Variants in WWOX observed in about 807,000 individuals in gnomAD.
The protein encoded by WWOX is WW domain-containing oxidoreductase.
Under a neutral mutation model 46.2 loss-of-function variants are expected in WWOX, and 69 were observed. The ratio of observed to expected loss-of-function variants is 1.49; its 90% CI spans 1.23 to 1.82. WWOX has a LOEUF of 1.82. Ranked by LOEUF, WWOX falls within the 40% of genes most tolerant of loss-of-function variation. The pLI is 0.00. For missense variants in WWOX, 919 were observed against 542.6 expected (o/e 1.69, Z -6.89); for synonymous variants, 359 against 202.6 (o/e 1.77, Z -6.56).
chr16:78,554,286 G>A lies in WWOX; in HGVS notation c.1056+121534G>A, dbSNP rs193283261. On this transcript the variant is annotated intron_variant, in intron 8 of 8. Transcript: ENST00000566780. ...TTTCACTATCAGTGGTATAAGCCCC[G>A]TAGTAATATGCCTAGTGTTCCATTA... 1.5e-3 allele frequency among the ~76,000 whole-genome samples: 225 copies of A among 152,238 alleles called. 3 individuals carry two copies. Among genetic ancestry groups the A allele is most frequent in the South Asian group, 2.1e-3 (10 of 4,830 alleles).
chr16:78,529,862 G>A (rs923158520), intron 8 of WWOX, among the ~76,000 whole-genome samples: 1 of 152,198 alleles, frequency 6.6e-6, no homozygotes, highest in Non-Finnish European at 1.5e-5. Context: ...CCTGTAGAAT[G>A]CACTGAAGCA....
intron 8 of WWOX, among the ~76,000 whole-genome samples, chr16:79,070,275 TG>T (rs1156516878): frequency 7.1e-6 from 1 of 140,516 alleles, no homozygotes; most frequent in East Asian, 2.0e-4. Flanking sequence ...CTGATGTGTG[TG>T]TGTGTGTGTG....
intron 4 of WWOX, among the ~76,000 whole-genome samples, chr16:78,157,096 A>T (rs1220745221): frequency 6.6e-6 from 1 of 151,608 alleles, no homozygotes; most frequent in Non-Finnish European, 1.5e-5. Context: ...ATACCCTGTG[A>T]TGAAACTGTG....
intron 8 of WWOX, among the ~76,000 whole-genome samples, chr16:79,188,205 G>A (rs1437972489): frequency 6.6e-6 from 1 of 152,214 alleles, no homozygotes; most frequent in Non-Finnish European, 1.5e-5. Context: ...CAAGGTGGGA[G>A]GCGGTAGTGG....
chr16:79,014,940 C>G (rs1231844910), intron 8 of WWOX, among the ~76,000 whole-genome samples: 2 of 152,238 alleles, frequency 1.3e-5, no homozygotes, highest in Middle Eastern at 3.4e-3. Flanking sequence ...ACTAGGAATG[C>G]TCTGTGATAT....
intron 8 of WWOX, among the ~76,000 whole-genome samples, chr16:78,973,164 C>T (rs1453742565): frequency 6.6e-6 from 1 of 152,108 alleles, no homozygotes; most frequent in Admixed American, 6.5e-5. Flanking sequence ...GCCACGTCCG[C>T]CTTTATGAAG....
intron 8 of WWOX, among the ~76,000 whole-genome samples, chr16:79,153,428 C>A (rs1415878019): frequency 6.6e-6 from 1 of 152,170 alleles, no homozygotes; most frequent in South Asian, 2.1e-4. Context: ...CTCAGGTAGC[C>A]ACTGGTGTGT....
At chr16:78,184,567 G>A (rs559969554) in intron 5 of WWOX, among the ~76,000 whole-genome samples, 170 of 145,264 alleles carry the variant, frequency 1.2e-3, no homozygotes, top group African/African-American at 3.9e-3. Context: ...TTTTTTCCCC[G>A]TTTATACTAT....
chr16:79,032,307 C>T (rs1057085438), intron 8 of WWOX, among the ~76,000 whole-genome samples: 5 of 143,910 alleles, frequency 3.5e-5, no homozygotes, highest in Non-Finnish European at 6.0e-5. Flanking sequence ...AATGTAGACT[C>T]TAATATGTAG....
intron 8 of WWOX, among the ~76,000 whole-genome samples, chr16:78,460,789 A>C (rs2151422781): frequency 6.6e-6 from 1 of 152,360 alleles, no homozygotes; most frequent in African/African-American, 2.4e-5. Flanking sequence ...CATCCTCCTG[A>C]CCATAAATAC....
In WWOX at chr16:79,015,425, C is replaced by G. The variant is rs2047393629; in HGVS notation, c.1057-196183C>G. Among the ~76,000 whole-genome samples, 5 of 152,270 alleles carry G rather than the reference C, an allele frequency of 3.3e-5. No individual in the cohort carries two copies. The South Asian group carries it at 1.0e-3, about 32-fold the overall frequency. Reference sequence around the variant, plus strand: ...CAAAATAGTAACAATATTTTCCTTCCAAGTGATGGTGAGGATTTAAGAGTT... The same window carrying G: ...CAAAATAGTAACAATATTTTCCTTCGAAGTGATGGTGAGGATTTAAGAGTT... On this transcript the variant is annotated intron_variant, in intron 8 of 8. Coordinates refer to ENST00000566780, the MANE Select transcript of WWOX (RefSeq NM_016373.4).
intron 6 of WWOX, among the ~76,000 whole-genome samples, chr16:78,398,700 C>T (rs111404898): frequency 1.3e-5 from 2 of 152,164 alleles, no homozygotes; most frequent in Non-Finnish European, 2.9e-5. Flanking sequence ...ATCTGTGCTA[C>T]AACTTATTAA....
intron 3 of WWOX, among the ~76,000 whole-genome samples, 180 bp from the exon 4 acceptor site, chr16:78,114,796 G>C (rs953249347): frequency 6.6e-6 from 1 of 152,126 alleles, no homozygotes; most frequent in Non-Finnish European, 1.5e-5. Flanking sequence ...TCTTTTTTTG[G>C]CACAAATGTG....
chr16:78,647,360 C>G (rs1469833632), intron 8 of WWOX, among the ~76,000 whole-genome samples: 1 of 152,186 alleles, frequency 6.6e-6, no homozygotes, highest in African/African-American at 2.4e-5. Flanking sequence ...AGCCCTCCTT[C>G]CACCTGGGAG....
chr16:79,210,948 A>C (rs907705357), intron 8 of WWOX, among the ~76,000 whole-genome samples: 3 of 152,268 alleles, frequency 2.0e-5, no homozygotes, highest in Non-Finnish European at 2.9e-5. Flanking sequence ...ATCTGGGTCA[A>C]ATATGACATT....
intron 4 of WWOX, among the ~76,000 whole-genome samples, chr16:78,155,185 GGA>G (rs1457315981): frequency 2.0e-5 from 3 of 151,724 alleles, no homozygotes; most frequent in African/African-American, 7.3e-5. Flanking sequence ...AGGTTGGAAG[GGA>G]GAGAGAGAAA....
intron 6 of WWOX, among the ~76,000 whole-genome samples, chr16:78,389,146 G>A (rs1006714829): frequency 3.3e-5 from 5 of 152,190 alleles, no homozygotes; most frequent in African/African-American, 1.2e-4. Flanking sequence ...ATCTGAGAGA[G>A]CCCTCCTGTG....
rs775006510 is a variant in WWOX at position 78,215,915 on chromosome 16, CA to C, written c.516+51639del. ...CACTCTAGCCTGGGTGATTCCATCT[CA>C]AAAAAAAAAAAAGAGAAAGAAAACA... On this transcript the variant is annotated intron_variant, in intron 5 of 8. Transcript: ENST00000566780. 7.3e-3 allele frequency among the ~76,000 whole-genome samples: 923 copies of C among 126,958 alleles called. 6 individuals are homozygous for C. Among genetic ancestry groups the C allele is most frequent in the African/African-American group, 0.021 (737 of 34,548 alleles). The allele number at this position is 126,958 out of a possible 152,430, so 83.3% of individuals were successfully genotyped here.
intron 8 of WWOX, among the ~76,000 whole-genome samples, chr16:78,446,587 C>G (rs910691706): frequency 1.0e-4 from 15 of 150,750 alleles, no homozygotes; most frequent in Non-Finnish European, 1.9e-4. Flanking sequence ...TCATTATTAC[C>G]TTATAAAAAT....
Sources: gnomAD v4.1 joint callset for allele counts (sites outside exome capture counted in the v4.1 genomes callset) on GRCh38, gnomAD v4.1.1 for gene constraint, MANE v1.5 for transcripts, NCBI Gene and HGNC (gene_info 2026-07-23, HGNC 2026-07-21) for gene names.